TMEM263: variants seen among roughly 807,000 people sequenced by gnomAD.
TMEM263 encodes the protein UPF0444 transmembrane protein C12orf23.
Under a neutral mutation model 8.6 loss-of-function variants are expected in TMEM263, and 5 were observed. The ratio of observed to expected loss-of-function variants is 0.58; its 90% confidence interval spans 0.31 to 1.23. TMEM263 has a LOEUF of 1.23. TMEM263 is among the 50% of genes most tolerant of loss of function. The pLI is 0.07. For synonymous variants in TMEM263, 50 were observed against 47.9 expected (o/e 1.04, Z -0.18); for missense variants, 104 against 138.8 (o/e 0.75, Z 1.26).
chr12:106,956,889 TA>T, intron 1 of TMEM263, 192 bp from the exon 2 acceptor site: 1 of 167,732 alleles, frequency 6.0e-6, no homozygotes, highest in Non-Finnish European at 1.2e-5. Context: ...CACTCACTGC[TA>T]AAGAAAAAAA....
At chr12:106,957,605 A>G (rs1316592080) in intron 2 of TMEM263, among the ~76,000 whole-genome samples, 1 of 152,230 alleles carries the variant, frequency 6.6e-6, no homozygotes, top group Non-Finnish European at 1.5e-5. Context: ...AGGATGCCTC[A>G]GTGCCTAATA....
chr12:106,959,904 AAAT>A (rs1951747153), intron 2 of TMEM263, among the ~76,000 whole-genome samples: 1 of 151,952 alleles, frequency 6.6e-6, no homozygotes, highest in Admixed American at 6.6e-5. Context: ...AAAAAATCTC[AAAT>A]ACTTGTGGCT....
chr12:106,960,274 A>G lies in TMEM263; in HGVS notation c.-7+3125A>G, dbSNP rs563148503. Among the ~76,000 whole-genome samples, 50 of 151,632 alleles carry G rather than the reference A, an allele frequency of 3.3e-4. No homozygotes were observed. The South Asian group carries it at 0.01, about 32-fold the overall frequency. On this transcript the variant is annotated intron_variant, in intron 2 of 3. Transcript: ENST00000280756. ...GGTCTCGAACTCCTGACCTCAGGTG[A>G]TCCACCTGCCTTGGCCTCCCAAAGT...
Position 106,972,776 on chromosome 12 carries a change from GT to G in TMEM263, c.*1386del, listed in dbSNP as rs1175977024. On this transcript the variant is annotated 3_prime_UTR_variant, in exon 4 of 4. Coordinates refer to ENST00000280756, the MANE Select transcript of TMEM263 (RefSeq NM_152261.4). ...ATTGGCATATATACTTGGCATTCCT[GT>G]CCACCAAGGATTGTAATCCAAGCCT... 1.3e-5 allele frequency: 2 copies of G among 150,544 alleles called. No homozygotes were observed. Among genetic ancestry groups the G allele is most frequent in the Non-Finnish European group, 2.9e-5 (2 of 67,802 alleles). 9.3% of individuals were successfully genotyped at this position (150,544 alleles called of 1,614,324 possible).
chr12:106,969,246 C>G (rs1951885517), intron 3 of TMEM263, among the ~76,000 whole-genome samples: 1 of 152,100 alleles, frequency 6.6e-6, no homozygotes, highest in African/African-American at 2.4e-5. Flanking sequence ...GTCAGTTTCC[C>G]CATGATACCT....
At chr12:106,960,108 C>T (rs1951749838) in intron 2 of TMEM263, among the ~76,000 whole-genome samples, 1 of 151,946 alleles carries the variant, frequency 6.6e-6, no homozygotes, top group African/African-American at 2.4e-5. Context: ...GATCTTGGTT[C>T]ACTGCAACCT....
At chr12:106,956,211 A>G (rs1045641557) in intron 1 of TMEM263, 146 bp downstream of exon 1, 19 of 293,756 alleles carry the variant, frequency 6.5e-5, no homozygotes, top group Non-Finnish European at 8.6e-5. Flanking sequence ...CCAGCGGGAA[A>G]GGGGGAGGGG....
chr12:106,970,549 A>G (rs78555445), intron 3 of TMEM263, among the ~76,000 whole-genome samples: 2,890 of 152,280 alleles, frequency 0.019, 98 homozygotes, highest in African/African-American at 0.066. Flanking sequence ...GAAAACTGCT[A>G]TAGACTCATG....
intron 2 of TMEM263, among the ~76,000 whole-genome samples, chr12:106,963,963 G>T (rs1951811688): frequency 6.6e-6 from 1 of 152,106 alleles, no homozygotes; most frequent in Admixed American, 6.6e-5. Context: ...AGATGTATGG[G>T]TATATGTAAT....
chr12:106,960,542 T>A (rs1951757977), intron 2 of TMEM263, among the ~76,000 whole-genome samples: 1 of 152,170 alleles, frequency 6.6e-6, no homozygotes, highest in Non-Finnish European at 1.5e-5. Context: ...TATAATAATA[T>A]CTAGCTTTTT....
Position 106,956,034 on chromosome 12 carries a change from C to T in TMEM263, c.-106C>T. The T allele has an allele frequency of 1.0e-6, 1 of 985,752 alleles. No individual in the cohort carries two copies. Among genetic ancestry groups the T allele is most frequent in the South Asian group, 4.7e-5 (1 of 21,300 alleles). The allele number at this position is 985,752 out of a possible 1,614,324, so 61.1% of individuals were successfully genotyped here. A position where few individuals can be genotyped will look rare whatever the true frequency, so the allele number is the denominator to read the frequency against. ...GCGCCGGCCCGCTCACTCCGCCCGG[C>T]CCCAGCCCTAGCGCTGGCCGCGACC... On this transcript the variant is annotated 5_prime_UTR_variant, in exon 1 of 4. Coordinates refer to ENST00000280756, the MANE Select transcript of TMEM263 (RefSeq NM_152261.4).
In TMEM263 at chr12:106,971,579, A is replaced by C; in HGVS notation, c.*188A>C. The C allele has an allele frequency of 2.0e-6, 1 of 498,212 alleles. No individual in the cohort carries two copies. Among genetic ancestry groups the C allele is most frequent in the Non-Finnish European group, 3.3e-6 (1 of 298,992 alleles). The allele number at this position is 498,212 out of a possible 1,614,324, so 30.9% of individuals were successfully genotyped here. On this transcript the variant is annotated 3_prime_UTR_variant, in exon 4 of 4. Transcript: ENST00000280756. Reference sequence around the variant, plus strand: ...CGAGCACAGTATATGAAGGTTTCTCATACTTAAGTTCCAGGTTTTTATCTG... The same window carrying C: ...CGAGCACAGTATATGAAGGTTTCTCCTACTTAAGTTCCAGGTTTTTATCTG...
chr12:106,971,335 T>C lies in TMEM263; in HGVS notation c.295T>C (p.Ser99Pro), dbSNP rs779933813. The change falls in exon 4 of 4, where the codon TCT (serine) becomes CCT (proline). Residue 99 changes from serine (S) to proline (P), a missense_variant. Transcript: ENST00000280756. ...GGCTGGAGGTGTTACAGCTGTTGGG[T>C]CTGCTGTTGTAAACAAAGTGCCCTT... ...AVAGGVTAVG[S>P]AVVNKVPLTG... 6.2e-7 allele frequency: 1 copy of C among 1,614,046 alleles called. No individual in the cohort carries two copies. Among genetic ancestry groups the C allele is most frequent in the East Asian group, 2.2e-5 (1 of 44,882 alleles).
At chr12:106,961,027 C>T (rs1951766978) in intron 2 of TMEM263, among the ~76,000 whole-genome samples, 1 of 145,374 alleles carries the variant, frequency 6.9e-6, no homozygotes, top group Non-Finnish European at 1.5e-5. Context: ...TTTCTCCTCT[C>T]TTCTCTTCGT....
At chr12:106,963,024 A>T (rs770605029) in intron 2 of TMEM263, among the ~76,000 whole-genome samples, 1 of 152,182 alleles carries the variant, frequency 6.6e-6, no homozygotes, top group Non-Finnish European at 1.5e-5. Context: ...GTGCTCATCT[A>T]TTATAAGGTG....
rs541143398 is a variant in TMEM263 at position 106,957,073 on chromosome 12, ATT to A, written c.-74-8_-74-7del. 4.5e-4 allele frequency: 439 copies of A among 984,778 alleles called. No homozygotes were observed. The highest frequency in any genetic ancestry group is 5.2e-4 in the Middle Eastern group (1 of 1,936). 61.0% of individuals were successfully genotyped at this position (984,778 alleles called of 1,614,324 possible). On this transcript the variant is annotated splice_polypyrimidine_tract_variant and splice_region_variant and intron_variant, in intron 1 of 3. Transcript: ENST00000280756. Reference sequence around the variant, plus strand: ...TATATGTGATTATTTGCTGTATGCTATTGTTTAGCCTTTGAAACTTCTGCTGG... The same window carrying A: ...TATATGTGATTATTTGCTGTATGCTAGTTTAGCCTTTGAAACTTCTGCTGG...
Position 106,971,091 on chromosome 12 carries a change from T to G in TMEM263, c.65-14T>G, listed in dbSNP as rs767617744. 6.2e-7 allele frequency: 1 copy of G among 1,612,544 alleles called. No homozygotes were observed. Among genetic ancestry groups the G allele is most frequent in the Non-Finnish European group, 8.5e-7 (1 of 1,179,054 alleles). ...ACTTATATTTGATTGTCTCATGATA[T>G]TTTCTCTCATTAGGTTCAATGAAAG... On this transcript the variant is annotated splice_polypyrimidine_tract_variant and intron_variant, in intron 3 of 3. Coordinates refer to ENST00000280756, the MANE Select transcript of TMEM263 (RefSeq NM_152261.4).
In TMEM263 at chr12:106,970,804, G is replaced by A. The variant is rs12309555; in HGVS notation, c.65-301G>A. On this transcript the variant is annotated intron_variant, in intron 3 of 3. Transcript: ENST00000280756. ...TTAGGATGTAAAATAAAGGTTATTT[G>A]TTAACAAAACCGTAAACCAAGGAAA... Among the ~76,000 whole-genome samples the A allele has an allele frequency of 9.1e-3, 1,378 of 152,192 alleles. 19 individuals carry two copies. The highest frequency in any genetic ancestry group is 0.032 in the African/African-American group (1,320 of 41,510).
Position 106,973,297 on chromosome 12 carries a change from T to G in TMEM263, c.*1906T>G, listed in dbSNP as rs1593474424. ...ATCTAAATAATGGTATTGGAGAACT[T>G]GTTTCCTGCTATTTGGAAGAGATTG... On this transcript the variant is annotated 3_prime_UTR_variant, in exon 4 of 4. Coordinates refer to ENST00000280756, the MANE Select transcript of TMEM263 (RefSeq NM_152261.4). 1 of 152,558 alleles carries G rather than the reference T, an allele frequency of 6.6e-6. No individual in the cohort carries two copies. Among genetic ancestry groups the G allele is most frequent in the Non-Finnish European group, 1.5e-5 (1 of 67,992 alleles). The allele number at this position is 152,558 out of a possible 1,614,324, so 9.5% of individuals were successfully genotyped here.
Sources: gnomAD v4.1 joint callset for allele counts (sites outside exome capture counted in the v4.1 genomes callset) on GRCh38, gnomAD v4.1.1 for gene constraint, MANE v1.5 for transcripts, NCBI Gene and HGNC (gene_info 2026-07-23, HGNC 2026-07-21) for gene names.